Variants in NRXN3 observed in about 807,000 individuals in gnomAD.
NRXN3 encodes the protein neurexin 3.
NRXN3 carries 32 observed loss-of-function variants against 137.6 expected under a neutral mutation model. The ratio of observed to expected loss-of-function variants is 0.23; its 90% CI spans 0.18 to 0.31. NRXN3 has a LOEUF of 0.31. Ranked by LOEUF, NRXN3 falls within the 10% of genes least tolerant of loss-of-function variation. The probability of loss-of-function intolerance (pLI) is 1.00; values close to 1 mark genes in which losing one functional copy is unlikely to be tolerated. For missense variants in NRXN3, 1,574 were observed against 2,062.5 expected (o/e 0.76, Z 4.59); for synonymous variants, 798 against 784.5 (o/e 1.02, Z -0.29).
chr14:79,236,083 T>G (rs897883207), intron 15 of NRXN3, among the ~76,000 whole-genome samples: 1 of 152,132 alleles, frequency 6.6e-6, no homozygotes, highest in African/African-American at 2.4e-5. Flanking sequence ...AGAGAATAAT[T>G]ACACTTTATT....
At chr14:79,612,640 G>C (rs1250521883) in intron 16 of NRXN3, among the ~76,000 whole-genome samples, 4 of 152,138 alleles carry the variant, frequency 2.6e-5, no homozygotes, top group Non-Finnish European at 5.9e-5. Context: ...CTTGGGGCCG[G>C]GAGTTTGAGA....
Position 78,702,141 on chromosome 14 carries a change from A to G in NRXN3, c.1222-7076A>G, listed in dbSNP as rs188656552. On this transcript the variant is annotated intron_variant, in intron 6 of 20. Transcript: ENST00000335750. ...GGACTTCACTGTTAGAGTTTGATCAATGGCATCCTGTGATGAAAAATGATG... is the reference window on the plus strand; with the variant it reads ...GGACTTCACTGTTAGAGTTTGATCAGTGGCATCCTGTGATGAAAAATGATG... Among the ~76,000 whole-genome samples the G allele has an allele frequency of 1.3e-4, 20 of 152,294 alleles. No individual in the cohort carries two copies. The East Asian group carries it at 1.5e-3, about 12-fold the overall frequency.
intron 19 of NRXN3, among the ~76,000 whole-genome samples, chr14:79,775,029 T>G (rs947975486): frequency 2.0e-5 from 3 of 152,102 alleles, no homozygotes; most frequent in African/African-American, 7.2e-5. Context: ...AATGGTGACG[T>G]AGACACTTTA....
At chr14:79,732,752 G>A (rs1388081642) in intron 19 of NRXN3, among the ~76,000 whole-genome samples, 1 of 151,946 alleles carries the variant, frequency 6.6e-6, no homozygotes, top group Non-Finnish European at 1.5e-5. Flanking sequence ...TGGTTCTCTT[G>A]CCTCCATCTT....
chr14:79,093,395 A>G (rs976031733), intron 15 of NRXN3, among the ~76,000 whole-genome samples: 2 of 152,200 alleles, frequency 1.3e-5, no homozygotes, highest in African/African-American at 4.8e-5. Context: ...TCTGAGAGTC[A>G]TGGGAAACAA....
In NRXN3 at chr14:78,967,188, T is replaced by G. The variant is rs772424021; in HGVS notation, c.2778-20T>G. The G allele has an allele frequency of 5.9e-6, 9 of 1,515,182 alleles. No homozygotes were observed. The highest frequency in any genetic ancestry group is 5.6e-5 in the African/African-American group (4 of 71,286). 93.9% of individuals were successfully genotyped at this position (1,515,182 alleles called of 1,614,324 possible). Reference sequence around the variant, plus strand: ...TTCGGGGATTTTCCAATTATTGTTTTTTTTTTTTTTTCTTCCTAGGTATAT... The same window carrying G: ...TTCGGGGATTTTCCAATTATTGTTTGTTTTTTTTTTTCTTCCTAGGTATAT... On this transcript the variant is annotated intron_variant, in intron 12 of 20. Transcript: ENST00000335750.
At chr14:79,417,035 G>A (rs1306207909) in intron 15 of NRXN3, among the ~76,000 whole-genome samples, 2 of 152,146 alleles carry the variant, frequency 1.3e-5, no homozygotes, top group Admixed American at 1.3e-4. Context: ...TAGCCTTGGA[G>A]TGAGAAAGAT....
chr14:78,941,505 G>A lies in NRXN3; in HGVS notation c.2276-15737G>A, dbSNP rs557210496. Among the ~76,000 whole-genome samples, 7 of 152,140 alleles carry A rather than the reference G, an allele frequency of 4.6e-5. No individual in the cohort carries two copies. The South Asian group carries it at 8.3e-4, about 18-fold the overall frequency. On this transcript the variant is annotated intron_variant, in intron 10 of 20. Transcript: ENST00000335750. ...TAGTTCCTCTACCCCTTTGTTTTCC[G>A]CAAACCTTCACATCTGCTCCCTCAG...
chr14:79,323,741 C>T (rs565104009), intron 15 of NRXN3, among the ~76,000 whole-genome samples: 2 of 152,152 alleles, frequency 1.3e-5, no homozygotes, highest in East Asian at 3.9e-4. Context: ...CGCCTGTAAT[C>T]CCAGCTACTT....
chr14:78,917,774 C>T (rs78965312), intron 10 of NRXN3, among the ~76,000 whole-genome samples: 7,867 of 151,946 alleles, frequency 0.052, 362 homozygotes, highest in African/African-American at 0.11. Flanking sequence ...AAGGCTCATC[C>T]GCTCTTCAGA....
intron 15 of NRXN3, among the ~76,000 whole-genome samples, chr14:79,268,540 T>A (rs905474210): frequency 6.6e-6 from 1 of 152,164 alleles, no homozygotes; most frequent in African/African-American, 2.4e-5. Context: ...AATGTCCACA[T>A]GGGCAAAGTT....
At chr14:78,588,244 T>C (rs564283364) in intron 4 of NRXN3, among the ~76,000 whole-genome samples, 1 of 152,350 alleles carries the variant, frequency 6.6e-6, no homozygotes, top group South Asian at 2.1e-4. Flanking sequence ...AAAGTTTTTG[T>C]AGCATACTCA....
rs115544684 is a variant in NRXN3, at chr14:79,656,244, G to A, written c.3445-7534G>A. Among the ~76,000 whole-genome samples the A allele has an allele frequency of 2.4e-3, 363 of 152,288 alleles. 2 individuals carry two copies. Among genetic ancestry groups the A allele is most frequent in the African/African-American group, 8.2e-3 (342 of 41,566 alleles). ...GGGAAACCGGACGTTTATGGGAGAC[G>A]TTCAGTCTGTACTGGATTTTAGTCA... On this transcript the variant is annotated intron_variant, in intron 16 of 20. Transcript: ENST00000335750.
At chr14:78,452,363 A>G (rs959441746) in intron 4 of NRXN3, among the ~76,000 whole-genome samples, 5 of 152,224 alleles carry the variant, frequency 3.3e-5, no homozygotes, top group African/African-American at 1.2e-4. Context: ...ATGTACATAA[A>G]GTGCTTAGAA....
At chr14:78,558,442 C>T (rs1165789855) in intron 4 of NRXN3, among the ~76,000 whole-genome samples, 38 of 152,164 alleles carry the variant, frequency 2.5e-4, no homozygotes, top group Non-Finnish European at 1.5e-5. Flanking sequence ...GCTTTATTTG[C>T]TATGAAATGA....
At position 79,645,195 on chromosome 14, in the gene NRXN3, G is replaced by A. The variant is rs1202455425; in HGVS notation, c.3445-18583G>A. 1.5e-5 allele frequency among the ~76,000 whole-genome samples: 2 copies of A among 134,578 alleles called. 1 individual carries two copies. The highest frequency in any genetic ancestry group is 3.5e-5 in the Non-Finnish European group (2 of 57,930). 88.3% of individuals were successfully genotyped at this position (134,578 alleles called of 152,430 possible). A position where few individuals can be genotyped will look rare whatever the true frequency, so the allele number is the denominator to read the frequency against. ...TCCTTAAATATATTGTTTCCTGGAG[G>A]TCTTTCTAGTGAGTTGGATTTCCTG... is the stretch of plus-strand genomic sequence containing the variant. On this transcript the variant is annotated intron_variant, in intron 16 of 20. Coordinates refer to ENST00000335750, the MANE Select transcript of NRXN3 (RefSeq NM_001330195.2).
chr14:79,299,898 G>C (rs574192125), intron 15 of NRXN3, among the ~76,000 whole-genome samples: 2 of 152,136 alleles, frequency 1.3e-5, no homozygotes, highest in South Asian at 4.1e-4. Flanking sequence ...TATATATTGC[G>C]GGATATTTGA....
chr14:78,747,700 A>G (rs1159901539), intron 8 of NRXN3, among the ~76,000 whole-genome samples: 1 of 152,184 alleles, frequency 6.6e-6, no homozygotes, highest in Non-Finnish European at 1.5e-5. Flanking sequence ...TGCTTGCTAC[A>G]TGATAACTGT....
intron 4 of NRXN3, among the ~76,000 whole-genome samples, chr14:78,574,759 T>G (rs1270941204): frequency 6.6e-6 from 1 of 152,210 alleles, no homozygotes; most frequent in Non-Finnish European, 1.5e-5. Context: ...AATTTTGAGT[T>G]AATGCTGGAA....
Sources: gnomAD v4.1 joint callset for allele counts (sites outside exome capture counted in the v4.1 genomes callset) on GRCh38, gnomAD v4.1.1 for gene constraint, MANE v1.5 for transcripts, NCBI Gene and HGNC (gene_info 2026-07-23, HGNC 2026-07-21) for gene names.